Variants in SAMD4A observed in about 807,000 individuals in gnomAD.
The protein encoded by SAMD4A is sterile alpha motif domain containing 4A.
SAMD4A carries 33 observed loss-of-function variants against 81.3 expected under a neutral mutation model. The observed-to-expected ratio is 0.41, with a 90% CI of 0.31 to 0.54. The LOEUF (loss-of-function observed/expected upper bound fraction) is 0.54. SAMD4A is among the 20% of genes least tolerant of loss of function. SAMD4A has a pLI of 0.37. For synonymous variants in SAMD4A, 389 were observed against 382.1 expected, an observed-to-expected ratio of 1.02 and a Z score of -0.21; for missense variants, 854 against 951.1, an observed-to-expected ratio of 0.90 and a Z score of 1.34.
chr14:54,742,903 T>A (rs1039158166), intron 4 of SAMD4A, among the ~76,000 whole-genome samples: 1 of 152,254 alleles, frequency 6.6e-6, no homozygotes, highest in Non-Finnish European at 1.5e-5. Context: ...AAGGAGACTT[T>A]CGTTAGATGA....
chr14:54,773,023 G>C (rs989347015), intron 9 of SAMD4A, among the ~76,000 whole-genome samples: 4 of 152,110 alleles, frequency 2.6e-5, no homozygotes, highest in African/African-American at 9.7e-5. Flanking sequence ...AGGAAGAAAG[G>C]CCAAGACAAA....
chr14:54,633,797 T>C (rs2034962265), intron 2 of SAMD4A, among the ~76,000 whole-genome samples: 1 of 152,190 alleles, frequency 6.6e-6, no homozygotes, highest in Non-Finnish European at 1.5e-5. Context: ...ATTTCACATT[T>C]TCATATGGTG....
chr14:54,677,658 A>T (rs1165614709), intron 2 of SAMD4A, among the ~76,000 whole-genome samples: 1 of 152,184 alleles, frequency 6.6e-6, no homozygotes, highest in Non-Finnish European at 1.5e-5. Flanking sequence ...CTCACCATAG[A>T]TGTGGTGTTT....
intron 2 of SAMD4A, among the ~76,000 whole-genome samples, chr14:54,570,387 A>G (rs544765635): frequency 1.2e-4 from 19 of 152,354 alleles, no homozygotes; most frequent in African/African-American, 4.6e-4. Context: ...AAAGTCCAAG[A>G]GAATATTTCA....
At chr14:54,652,495 TA>T (rs1184176273) in intron 2 of SAMD4A, among the ~76,000 whole-genome samples, 4 of 152,228 alleles carry the variant, frequency 2.6e-5, no homozygotes, top group Non-Finnish European at 5.9e-5. Flanking sequence ...AAAATACATT[TA>T]ATTATATTCC....
At chr14:54,689,457 A>G (rs143669944) in intron 2 of SAMD4A, among the ~76,000 whole-genome samples, 2 of 152,300 alleles carry the variant, frequency 1.3e-5, no homozygotes, top group East Asian at 3.9e-4. Flanking sequence ...TAACTCAAAC[A>G]TCACCAATCT....
At chr14:54,565,514 C>A (rs2032903209), upstream of SAMD4A, among the ~76,000 whole-genome samples, 1 of 152,240 alleles carries the variant, frequency 6.6e-6, no homozygotes. This position sits in a 1 kb window ranked among gnomAD's most constrained non-coding sequence, Gnocchi z 5.4. Flanking sequence ...TGGGCAGGTC[C>A]AACCCTGCGC....
intron 4 of SAMD4A, among the ~76,000 whole-genome samples, chr14:54,746,159 G>A (rs1020486037): frequency 1.3e-5 from 2 of 152,216 alleles, no homozygotes; most frequent in Non-Finnish European, 2.9e-5. Context: ...CTTGGCAAGG[G>A]AAGGTACCTC....
At chr14:54,581,913 AC>A (rs2033480289) in intron 2 of SAMD4A, among the ~76,000 whole-genome samples, 1 of 152,212 alleles carries the variant, frequency 6.6e-6, no homozygotes, top group Admixed American at 6.5e-5. Flanking sequence ...TTCCACTTTT[AC>A]CTTTCACTGA....
chr14:54,575,930 A>G (rs936169268), intron 2 of SAMD4A, among the ~76,000 whole-genome samples: 1 of 150,814 alleles, frequency 6.6e-6, no homozygotes, highest in Non-Finnish European at 1.5e-5. Flanking sequence ...AATATGCTGA[A>G]ATTTCCAGGC....
intron 3 of SAMD4A, among the ~76,000 whole-genome samples, chr14:54,723,127 G>A (rs1351784901): frequency 1.3e-5 from 2 of 151,470 alleles, no homozygotes; most frequent in Non-Finnish European, 2.9e-5. Flanking sequence ...CCATCTAGGT[G>A]TTTCTCTTAG....
intron 2 of SAMD4A, among the ~76,000 whole-genome samples, chr14:54,579,176 G>A (rs1253911780): frequency 6.6e-6 from 1 of 152,186 alleles, no homozygotes; most frequent in Non-Finnish European, 1.5e-5. Flanking sequence ...TTATTGAATG[G>A]ATGAATGATA....
rs770108966 is a variant in SAMD4A, at chr14:54,737,251, C to T, written c.943C>T (p.Arg315Cys). Residue 315 changes from arginine (R) to cysteine (C), a missense_variant, in exon 4 of 13, where the codon CGT (arginine) becomes TGT (cysteine). This residue lies in a region of SAMD4A where 387 missense variants were observed against 405.8 expected (regional missense o/e 0.95). Transcript: ENST00000554335. ...ACACTTAGAAGATCAGACCACTGCT[C>T]GTAACACATTCCAAGAAGAAGGTAG... ...SEHLEDQTTA[R>C]NTFQEEGSGM... The T allele has an allele frequency of 5.0e-6, 8 of 1,613,916 alleles. No individual in the cohort carries two copies. The highest frequency in any genetic ancestry group is 4.5e-5 in the East Asian group (2 of 44,874).
At chr14:54,773,551 G>A (rs1049162099) in intron 9 of SAMD4A, among the ~76,000 whole-genome samples, 21 of 152,358 alleles carry the variant, frequency 1.4e-4, no homozygotes, top group African/African-American at 2.9e-4. Context: ...GAGAGGATGC[G>A]TTCTTCAGTG....
intron 8 of SAMD4A, 48 bp from the exon 9 acceptor site, chr14:54,770,056 T>A: frequency 8.2e-7 from 1 of 1,224,674 alleles, no homozygotes; most frequent in East Asian, 2.3e-5. Flanking sequence ...TTTCTCCCTC[T>A]AATGCCAGGC....
At chr14:54,775,214 G>A (rs1311909455) in intron 10 of SAMD4A, 79 bp downstream of exon 10, 3 of 1,551,436 alleles carry the variant, frequency 1.9e-6, no homozygotes, top group Admixed American at 3.4e-5. Flanking sequence ...GGTGACCCCA[G>A]GGTGGGGAGA....
At chr14:54,625,537 A>G (rs1298380844) in intron 2 of SAMD4A, among the ~76,000 whole-genome samples, 1 of 152,236 alleles carries the variant, frequency 6.6e-6, no homozygotes, top group Non-Finnish European at 1.5e-5. Flanking sequence ...GGGCTTGTTT[A>G]TTGACAAACT....
chr14:54,643,365 G>C (rs1034839402), intron 2 of SAMD4A, among the ~76,000 whole-genome samples: 5 of 152,212 alleles, frequency 3.3e-5, no homozygotes, highest in African/African-American at 1.2e-4. Context: ...GAAAGCAAAT[G>C]CATACCTCCC....
At chr14:54,690,961 T>C (rs1421367689) in intron 2 of SAMD4A, among the ~76,000 whole-genome samples, 1 of 152,120 alleles carries the variant, frequency 6.6e-6, no homozygotes, top group African/African-American at 2.4e-5. Flanking sequence ...CCTTCCTCCA[T>C]AGAGTTTAGA....
Sources: allele counts gnomAD v4.1 joint callset (sites outside exome capture counted in the v4.1 genomes callset), GRCh38; gene constraint gnomAD v4.1.1; regional missense constraint gnomAD v4.1.1; non-coding constraint Gnocchi (gnomAD v3.1); transcripts MANE v1.5; gene names NCBI Gene and HGNC (gene_info 2026-07-23, HGNC 2026-07-21).